The following LRRC49 variants were observed in gnomAD, a reference collection of about 807,000 sequenced individuals.
LRRC49 encodes leucine rich repeat containing 49.
Under a neutral mutation model 83.3 loss-of-function variants are expected in LRRC49, and 50 were observed. The observed-to-expected ratio is 0.60, with a 90% CI of 0.48 to 0.76. The LOEUF is 0.76. Among genes scored for constraint, LRRC49 ranks in the 30% least tolerant of loss-of-function variants. LRRC49 has a pLI of 0.00. For synonymous variants in LRRC49, 286 were observed against 283.3 expected (o/e 1.01, Z -0.10); for missense variants, 704 against 809.1 (o/e 0.87, Z 1.58).
At chr15:70,915,949 T>G (rs1192305490) in intron 6 of LRRC49, among the ~76,000 whole-genome samples, 1 of 152,194 alleles carries the variant, frequency 6.6e-6, no homozygotes, top group Admixed American at 6.5e-5. Context: ...AATAACAATG[T>G]GAAATATAGA....
intron 11 of LRRC49, among the ~76,000 whole-genome samples, chr15:71,000,852 A>G (rs951909275): frequency 6.6e-6 from 1 of 151,338 alleles, no homozygotes; most frequent in African/African-American, 2.4e-5. Flanking sequence ...TTTTTCTTGT[A>G]TTATGTGTCT....
At chr15:70,853,893 G>A (rs1348551364) in intron 1 of LRRC49, 39 of 1,312,146 alleles carry the variant, frequency 3.0e-5, no homozygotes, top group Non-Finnish European at 3.6e-5. Flanking sequence ...GCCTACCTGT[G>A]CCCGCGGCTC....
chr15:70,896,053 T>C (rs1200968054), intron 3 of LRRC49, 117 bp downstream of exon 3: 2 of 620,580 alleles, frequency 3.2e-6, no homozygotes, highest in Non-Finnish European at 5.4e-6. Flanking sequence ...AATTGTTCAT[T>C]GGGACCAAAT....
At chr15:70,940,804 A>T (rs568918462) in intron 8 of LRRC49, among the ~76,000 whole-genome samples, 1 of 152,332 alleles carries the variant, frequency 6.6e-6, no homozygotes, top group East Asian at 1.9e-4. Flanking sequence ...TTTTCTGACC[A>T]TCTGCTAAGT....
chr15:70,879,694 C>G (rs765907878), intron 2 of LRRC49, among the ~76,000 whole-genome samples: 27 of 152,176 alleles, frequency 1.8e-4, no homozygotes, highest in Non-Finnish European at 2.9e-4. Context: ...TGCCCCATCA[C>G]TTTTCACTCT....
At chr15:70,891,956 G>A, upstream of LRRC49, 1 of 1,613,610 alleles carries the variant, frequency 6.2e-7, no homozygotes, top group Non-Finnish European at 8.5e-7. Flanking sequence ...CAGGCGGCCT[G>A]CTTGGTCTCC....
At chr15:70,934,312 T>C (rs2035523259) in intron 7 of LRRC49, among the ~76,000 whole-genome samples, 1 of 152,202 alleles carries the variant, frequency 6.6e-6, no homozygotes. Context: ...TATCACAGAA[T>C]TGCTAAAAAA....
intron 3 of LRRC49, among the ~76,000 whole-genome samples, chr15:70,898,676 G>A (rs780260246): frequency 3.3e-5 from 5 of 152,062 alleles, no homozygotes; most frequent in African/African-American, 4.8e-5. Context: ...CCAGGTATTC[G>A]AGAGGCTGAG....
In LRRC49 at chr15:70,893,656, G is replaced by T. The variant is rs1237174315; in HGVS notation, c.105+16G>T. On this transcript the variant is annotated intron_variant, in intron 2 of 15. Coordinates refer to ENST00000260382, the MANE Select transcript of LRRC49 (RefSeq NM_017691.5). ...AAAAAACAAAGTAAGATTTAAGAAG[G>T]TTGGCATTTAAATTGAAGATTGTTT... 2 of 1,597,162 alleles carry T rather than the reference G, an allele frequency of 1.3e-6. No individual in the cohort carries two copies. Among genetic ancestry groups the T allele is most frequent in the Non-Finnish European group, 1.7e-6 (2 of 1,166,124 alleles).
chr15:71,042,876 G>A (rs972148915), intron 15 of LRRC49, among the ~76,000 whole-genome samples: 8 of 152,144 alleles, frequency 5.3e-5, no homozygotes, highest in Non-Finnish European at 1.0e-4. Context: ...TGAGGGTCAC[G>A]TTGAATTATT....
At chr15:70,924,056 A>G (rs1401501753) in intron 7 of LRRC49, among the ~76,000 whole-genome samples, 1 of 151,910 alleles carries the variant, frequency 6.6e-6, no homozygotes, top group Non-Finnish European at 1.5e-5. Flanking sequence ...AAGATCATGC[A>G]TTGCATTCAG....
intron 15 of LRRC49, chr15:71,048,815 T>C: frequency 2.2e-6 from 1 of 456,070 alleles, no homozygotes; most frequent in South Asian, 1.5e-5. Flanking sequence ...GTGGGAGACC[T>C]GTTTCTTTAG....
chr15:71,029,789 T>C (rs1480542970), intron 14 of LRRC49, among the ~76,000 whole-genome samples: 1 of 152,228 alleles, frequency 6.6e-6, no homozygotes, highest in Non-Finnish European at 1.5e-5. Context: ...CTTCTCTGTC[T>C]TTTTTGACCT....
chr15:70,858,764 C>CG, intron 1 of LRRC49: 1 of 1,151,358 alleles, frequency 8.7e-7, no homozygotes, highest in African/African-American at 1.5e-5. Flanking sequence ...CTCTGGCCCC[C>CG]GGGCCTTCAG....
At chr15:70,906,104 T>TC (rs1165468978) in intron 5 of LRRC49, among the ~76,000 whole-genome samples, 1 of 149,068 alleles carries the variant, frequency 6.7e-6, no homozygotes. Context: ...TTTTCTTTTT[T>TC]TTTTTTTTTT....
rs142845899 is a variant in LRRC49 at position 71,027,300 on chromosome 15, A to G, written c.1704-9879A>G. Among the ~76,000 whole-genome samples, 441 of 152,160 alleles carry G rather than the reference A, an allele frequency of 2.9e-3. 2 individuals carry two copies. Among genetic ancestry groups the G allele is most frequent in the African/African-American group, 0.01 (427 of 41,508 alleles). ...GGTCTCTGTTCTGTTCCATTGGTCT[A>G]TATGTCTGTTTTGGTACCAGTACCA... is the stretch of plus-strand genomic sequence containing the variant. On this transcript the variant is annotated intron_variant, in intron 14 of 15. Transcript: ENST00000260382.
chr15:71,031,865 G>GAA (rs2039364508), intron 14 of LRRC49, among the ~76,000 whole-genome samples: 1 of 152,038 alleles, frequency 6.6e-6, no homozygotes, highest in Non-Finnish European at 1.5e-5. Flanking sequence ...GATCATCCCG[G>GAA]GTCAACTTCA....
chr15:70,859,454 A>C (rs1288211172), intron 1 of LRRC49: 1 of 717,870 alleles, frequency 1.4e-6, no homozygotes, highest in Non-Finnish European at 2.6e-6. Context: ...GGTGCTGTCC[A>C]TGGACAACAG....
At chr15:70,945,259 G>A (rs950283772) in intron 8 of LRRC49, among the ~76,000 whole-genome samples, 3 of 152,184 alleles carry the variant, frequency 2.0e-5, no homozygotes, top group African/African-American at 7.2e-5. Context: ...CGAGATGAAC[G>A]TGGCTTTTAT....
Sources: gnomAD v4.1 joint callset for allele counts (sites outside exome capture counted in the v4.1 genomes callset) on GRCh38, gnomAD v4.1.1 for gene constraint, MANE v1.5 for transcripts, NCBI Gene and HGNC (gene_info 2026-07-23, HGNC 2026-07-21) for gene names.